CBFA2T3: variants seen among roughly 807,000 people sequenced by gnomAD.
CBFA2T3 encodes the protein CBFA2/RUNX1 partner transcriptional co-repressor 3.
In CBFA2T3, 31 loss-of-function variants were observed where a neutral mutation model predicts 58.6. That is an observed-to-expected ratio of 0.53 (90% CI 0.40 to 0.71). The LOEUF (loss-of-function observed/expected upper bound fraction) is 0.71. CBFA2T3 is among the 30% of genes least tolerant of loss of function. CBFA2T3 has a pLI of 0.00. For synonymous variants in CBFA2T3, 531 were observed against 421.9 expected, an observed-to-expected ratio of 1.26 and a Z score of -3.17; for missense variants, 1,076 against 963.1, an observed-to-expected ratio of 1.12 and a Z score of -1.55.
chr16:88,936,443 T>A (rs1478562064), intron 1 of CBFA2T3, among the ~76,000 whole-genome samples: 1 of 141,050 alleles, frequency 7.1e-6, no homozygotes, highest in Non-Finnish European at 1.5e-5. Flanking sequence ...GGCAGCCGAG[T>A]ATCCACCACG....
At chr16:88,903,321 G>A (rs1247019597) in intron 1 of CBFA2T3, among the ~76,000 whole-genome samples, 9 of 152,212 alleles carry the variant, frequency 5.9e-5, no homozygotes, top group South Asian at 4.1e-4. Flanking sequence ...GGGCAGTGGC[G>A]CCTGGGCTCT....
chr16:88,960,549 T>A (rs577466718), intron 1 of CBFA2T3, among the ~76,000 whole-genome samples: 1 of 152,226 alleles, frequency 6.6e-6, no homozygotes, highest in Non-Finnish European at 1.5e-5. Context: ...TCAATTTTCC[T>A]TATGAAAAGA....
chr16:88,960,888 A>G (rs1253589989), intron 1 of CBFA2T3, among the ~76,000 whole-genome samples: 1 of 152,276 alleles, frequency 6.6e-6, no homozygotes. Flanking sequence ...ACAGATGCAG[A>G]ATGCCTGGTT....
intron 1 of CBFA2T3, among the ~76,000 whole-genome samples, chr16:88,976,004 C>G (rs1001731001): frequency 5.9e-5 from 9 of 152,232 alleles, no homozygotes; most frequent in Non-Finnish European, 1.3e-4. Context: ...GCTGCAGCCC[C>G]CAGCGTCCGG....
intron 1 of CBFA2T3, among the ~76,000 whole-genome samples, chr16:88,960,141 T>C (rs1972322792): frequency 6.6e-6 from 1 of 152,168 alleles, no homozygotes; most frequent in African/African-American, 2.4e-5. Context: ...TAAGACAAAG[T>C]CCTTGATTCC....
intron 1 of CBFA2T3, among the ~76,000 whole-genome samples, chr16:88,922,586 C>T (rs374112949): frequency 6.6e-5 from 10 of 152,204 alleles, no homozygotes; most frequent in Admixed American, 1.3e-4. Flanking sequence ...TCCTATCCCA[C>T]GCCAGGGCTA....
intron 1 of CBFA2T3, among the ~76,000 whole-genome samples, chr16:88,915,987 T>C (rs1970706349): frequency 6.6e-6 from 1 of 152,128 alleles, no homozygotes; most frequent in Admixed American, 6.5e-5. Context: ...TTCATGTGTG[T>C]CCATGGGTGC....
At chr16:88,916,402 G>A (rs756524515) in intron 1 of CBFA2T3, among the ~76,000 whole-genome samples, 8 of 151,884 alleles carry the variant, frequency 5.3e-5, no homozygotes, top group Admixed American at 2.6e-4. Context: ...ATTCATATGC[G>A]TATTCATGCG....
intron 1 of CBFA2T3, among the ~76,000 whole-genome samples, chr16:88,910,850 G>A (rs1042896225): frequency 1.3e-5 from 2 of 152,132 alleles, no homozygotes; most frequent in South Asian, 4.2e-4. Flanking sequence ...AAATCCCCTC[G>A]TATCCAGATG....
At chr16:88,948,110 C>A (rs1211860836) in intron 1 of CBFA2T3, among the ~76,000 whole-genome samples, 4 of 152,180 alleles carry the variant, frequency 2.6e-5, no homozygotes, top group African/African-American at 9.7e-5. Flanking sequence ...CCATAAATAA[C>A]TCGATCAGAA....
At chr16:88,904,936 G>T (rs1312120321) in intron 1 of CBFA2T3, among the ~76,000 whole-genome samples, 1 of 152,172 alleles carries the variant, frequency 6.6e-6, no homozygotes, top group African/African-American at 2.4e-5. Flanking sequence ...ACCAGGCCAA[G>T]GCTCATGGAG....
intron 5 of CBFA2T3, among the ~76,000 whole-genome samples, chr16:88,888,779 T>A (rs1314957799): frequency 6.6e-6 from 1 of 151,732 alleles, no homozygotes; most frequent in African/African-American, 2.4e-5. Flanking sequence ...GTGAACAGAC[T>A]TCATGTCCCA....
intron 1 of CBFA2T3, among the ~76,000 whole-genome samples, chr16:88,902,718 G>T (rs1462948375): frequency 6.6e-6 from 1 of 152,238 alleles, no homozygotes; most frequent in Admixed American, 6.5e-5. Flanking sequence ...GTCAGCCAGT[G>T]CCAAAGCAAG....
Position 88,892,583 on chromosome 16 carries a change from G to A in CBFA2T3, c.380-98C>T, listed in dbSNP as rs115113856. 3,253 of 1,361,734 alleles carry A rather than the reference G, an allele frequency of 2.4e-3. 57 individuals carry two copies. In the African/African-American group the frequency reaches 0.036, roughly 15 times the overall value. 84.4% of individuals were successfully genotyped at this position (1,361,734 alleles called of 1,614,324 possible). A position where few individuals can be genotyped will look rare whatever the true frequency, so the allele number is the denominator to read the frequency against. On this transcript the variant is annotated intron_variant, in intron 3 of 11. Transcript: ENST00000268679. ...GGGAAGCAGCGACTAAGGTGACAAT[G>A]TCAAAAGTGACGGCAACAATGATGA... is the stretch of plus-strand genomic sequence containing the variant.
At position 88,976,163 on chromosome 16, in the gene CBFA2T3, G is replaced by A. The variant is rs78654464; in HGVS notation, c.151+494C>T. Among the ~76,000 whole-genome samples the A allele has an allele frequency of 5.9e-4, 90 of 152,314 alleles. No homozygotes were observed. The East Asian group carries it at 0.014, about 24-fold the overall frequency. The stretch of plus-strand genomic sequence containing the variant: ...AACCCCCACTGCCCTGGCTGGAATC[G>A]TTCCTCGGACAGGGGCCCAGGGTTG... On this transcript the variant is annotated intron_variant, in intron 1 of 11. Transcript: ENST00000268679.
chr16:88,923,267 G>A (rs779276698), intron 1 of CBFA2T3, among the ~76,000 whole-genome samples: 1 of 152,202 alleles, frequency 6.6e-6, no homozygotes, highest in Non-Finnish European at 1.5e-5. Flanking sequence ...GAAACGGGGG[G>A]GACCCGCACC....
intron 3 of CBFA2T3, among the ~76,000 whole-genome samples, chr16:88,897,784 C>T (rs368036573): frequency 6.6e-5 from 10 of 152,366 alleles, no homozygotes; most frequent in African/African-American, 2.2e-4. Flanking sequence ...CACTCGCAGT[C>T]AGCCCCATTG....
intron 1 of CBFA2T3, among the ~76,000 whole-genome samples, chr16:88,931,986 C>T (rs1339310649): frequency 6.6e-6 from 1 of 152,014 alleles, no homozygotes; most frequent in Non-Finnish European, 1.5e-5. Context: ...ATAGGTCATG[C>T]TTCCTCCTGG....
rs1481644905 is a variant in CBFA2T3 at position 88,892,546 on chromosome 16, C to T, written c.380-61G>A. The stretch of plus-strand genomic sequence containing the variant: ...GATGGTGACAACACAACCCAGACGG[C>T]GGCGACAGTGAGGGAAGCAGCGACT... On this transcript the variant is annotated intron_variant, in intron 3 of 11. Transcript: ENST00000268679. 51 of 1,591,360 alleles carry T rather than the reference C, an allele frequency of 3.2e-5. No homozygotes were observed. In the East Asian group the frequency reaches 4.9e-4, roughly 15 times the overall value.
Sources: allele counts gnomAD v4.1 joint callset (sites outside exome capture counted in the v4.1 genomes callset), GRCh38; gene constraint gnomAD v4.1.1; transcripts MANE v1.5; gene names NCBI Gene and HGNC (gene_info 2026-07-23, HGNC 2026-07-21).